C10orf90: variants seen among roughly 807,000 people sequenced by gnomAD.
C10orf90 encodes (E2-independent) E3 ubiquitin-conjugating enzyme FATS.
A neutral mutation model predicts 62.5 loss-of-function variants in C10orf90; 56 were observed. That is an observed-to-expected ratio of 0.90 (90% confidence interval 0.72 to 1.12). C10orf90 has a LOEUF of 1.12. C10orf90 is among the 50% of genes most tolerant of loss of function. The probability of loss-of-function intolerance (pLI) is 0.00; values close to 1 mark genes in which losing one functional copy is unlikely to be tolerated. For missense variants in C10orf90, 970 were observed against 880.4 expected, an observed-to-expected ratio of 1.10 and a Z score of -1.29; for synonymous variants, 386 against 340.4, an observed-to-expected ratio of 1.13 and a Z score of -1.47.
intron 2 of C10orf90, among the ~76,000 whole-genome samples, chr10:126,622,396 G>T (rs552639869): frequency 6.6e-4 from 101 of 152,258 alleles, no homozygotes; most frequent in Non-Finnish European, 1.1e-3. Flanking sequence ...AAAGCCTCAG[G>T]TTCCAAGCCC....
chr10:126,455,877 G>A (rs1417811108), intron 7 of C10orf90, among the ~76,000 whole-genome samples: 1 of 152,172 alleles, frequency 6.6e-6, no homozygotes, highest in Non-Finnish European at 1.5e-5. Context: ...AAGTACAGCG[G>A]GTCCCCTGAC....
chr10:126,666,338 A>G (rs1054087430), intron 1 of C10orf90, among the ~76,000 whole-genome samples: 2 of 152,354 alleles, frequency 1.3e-5, no homozygotes, highest in East Asian at 1.9e-4. Flanking sequence ...GCTGTTTTCA[A>G]ATAACTTAAC....
chr10:126,487,142 C>CAAAAAAAA (rs1158481155), intron 4 of C10orf90, among the ~76,000 whole-genome samples: 55 of 29,378 alleles, frequency 1.9e-3, no homozygotes, highest in Middle Eastern at 0.038. Flanking sequence ...AAAACTCTGT[C>CAAAAAAAA]AAAAAAAAAA....
chr10:126,657,621 T>C (rs369064498), intron 1 of C10orf90, among the ~76,000 whole-genome samples: 84 of 143,312 alleles, frequency 5.9e-4, no homozygotes, highest in African/African-American at 1.8e-3. Flanking sequence ...TTTTTTTTTC[T>C]TTTTTTTTTT....
chr10:126,646,656 T>C lies in C10orf90; in HGVS notation c.241-19A>G, dbSNP rs2842149. The stretch of plus-strand genomic sequence containing the variant: ...TGTGGATCTAGAAAACAAACAGAAA[T>C]ATTTCCCAATTTCATATTTTGATTT... On this transcript the variant is annotated intron_variant, in intron 1 of 9. Coordinates refer to ENST00000488181, the MANE Select transcript of C10orf90 (RefSeq NM_001350921.2). 0.58 allele frequency: 244,638 copies of C among 422,900 alleles called. 71,427 individuals are homozygous for C. Among genetic ancestry groups the C allele is most frequent in the African/African-American group, 0.61 (29,528 of 48,034 alleles). 26.2% of individuals were successfully genotyped at this position (422,900 alleles called of 1,614,324 possible). A position where few individuals can be genotyped will look rare whatever the true frequency, so the allele number is the denominator to read the frequency against.
chr10:126,661,269 C>A (rs1297156384), intron 1 of C10orf90, among the ~76,000 whole-genome samples: 1 of 152,184 alleles, frequency 6.6e-6, no homozygotes, highest in East Asian at 1.9e-4. Flanking sequence ...AACAACAACT[C>A]ATTTTCATGG....
At chr10:126,452,170 C>T (rs896048430) in intron 7 of C10orf90, among the ~76,000 whole-genome samples, 14 of 152,026 alleles carry the variant, frequency 9.2e-5, no homozygotes, top group African/African-American at 3.4e-4. Flanking sequence ...AACATCATGT[C>T]ATTCAGCACA....
At chr10:126,502,383 T>C (rs1169451159) in intron 4 of C10orf90, among the ~76,000 whole-genome samples, 1 of 152,224 alleles carries the variant, frequency 6.6e-6, no homozygotes, top group East Asian at 1.9e-4. Flanking sequence ...TCTGTGCTTT[T>C]TCTGGGGGAT....
At chr10:126,621,074 T>C (rs575554588) in intron 2 of C10orf90, among the ~76,000 whole-genome samples, 4 of 152,336 alleles carry the variant, frequency 2.6e-5, no homozygotes, top group Admixed American at 1.3e-4. Context: ...TTCCCTGCTA[T>C]TAAACTTTTA....
At chr10:126,499,307 A>G (rs559498159) in intron 4 of C10orf90, among the ~76,000 whole-genome samples, 1 of 152,324 alleles carries the variant, frequency 6.6e-6, no homozygotes, top group Admixed American at 6.5e-5. Flanking sequence ...CTAGTTGAGT[A>G]GTTGCTACAG....
intron 1 of C10orf90, among the ~76,000 whole-genome samples, chr10:126,663,357 G>A (rs556903343): frequency 7.9e-5 from 12 of 151,974 alleles, no homozygotes; most frequent in Admixed American, 3.3e-4. Context: ...CCAGCACCAC[G>A]TGAGAAGTAT....
At chr10:126,656,952 C>A (rs1359623546) in intron 1 of C10orf90, among the ~76,000 whole-genome samples, 3 of 152,148 alleles carry the variant, frequency 2.0e-5, no homozygotes, top group Non-Finnish European at 4.4e-5. Context: ...AGGACATGCA[C>A]CTGACCTCAG....
At chr10:126,522,021 C>A (rs535694581) in intron 2 of C10orf90, among the ~76,000 whole-genome samples, 2 of 152,184 alleles carry the variant, frequency 1.3e-5, no homozygotes, top group Non-Finnish European at 2.9e-5. Flanking sequence ...GTAATCCCAG[C>A]ACTTTGGGAG....
At chr10:126,661,394 G>C (rs536178760) in intron 1 of C10orf90, among the ~76,000 whole-genome samples, 1 of 152,270 alleles carries the variant, frequency 6.6e-6, no homozygotes, top group Non-Finnish European at 1.5e-5. Context: ...ATACAGATGA[G>C]AAAACTAGGC....
At chr10:126,620,231 A>G (rs1845619344) in intron 2 of C10orf90, among the ~76,000 whole-genome samples, 1 of 152,112 alleles carries the variant, frequency 6.6e-6, no homozygotes, top group Admixed American at 6.5e-5. Flanking sequence ...CTAAAACCTT[A>G]TTGTTTTAGC....
In C10orf90 at chr10:126,658,014, T is replaced by C. The variant is rs186990290; in HGVS notation, c.241-11377A>G. Among the ~76,000 whole-genome samples the C allele has an allele frequency of 1.9e-3, 295 of 152,280 alleles. 3 individuals are homozygous for C. Among genetic ancestry groups the C allele is most frequent in the African/African-American group, 6.4e-3 (268 of 41,560 alleles). Reference sequence around the variant, plus strand: ...GCACATGCACTCCCTCACCACCCCATTGACATAAGGTGCTCCTCATTCACA... The same window carrying C: ...GCACATGCACTCCCTCACCACCCCACTGACATAAGGTGCTCCTCATTCACA... On this transcript the variant is annotated intron_variant, in intron 1 of 9. Coordinates refer to ENST00000488181, the MANE Select transcript of C10orf90 (RefSeq NM_001350921.2).
intron 4 of C10orf90, among the ~76,000 whole-genome samples, chr10:126,493,377 T>C (rs1861866060): frequency 6.6e-6 from 1 of 151,748 alleles, no homozygotes; most frequent in Non-Finnish European, 1.5e-5. Context: ...TTTTTTTTTT[T>C]TGAGACAGGG....
chr10:126,504,799 C>A lies in C10orf90; in HGVS notation c.692G>T (p.Arg231Leu), dbSNP rs11245008. 2 of 1,585,716 alleles carry A rather than the reference C, an allele frequency of 1.3e-6. No individual in the cohort carries two copies. Among genetic ancestry groups the A allele is most frequent in the Non-Finnish European group, 1.7e-6 (2 of 1,165,382 alleles). Reference sequence around the variant, plus strand: ...GATGGTGATGGATGCAAACCCTCTGCGGGGGCCCCCACAGGGTCTCTCCTC... The same window carrying A: ...GATGGTGATGGATGCAAACCCTCTGAGGGGGCCCCCACAGGGTCTCTCCTC... ...PKEERPCGGP[R>L]RGFASITITA... Residue 231 changes from arginine to leucine, a missense_variant, in exon 4 of 10, where the codon CGC becomes CTC. Arg to Leu is a moderately radical substitution (Grantham distance 102). Coordinates refer to ENST00000488181, the MANE Select transcript of C10orf90 (RefSeq NM_001350921.2). The surrounding 1 kb of genome is among the most constrained non-coding windows in gnomAD (Gnocchi z 4.1).
At chr10:126,452,012 T>A (rs148044885) in intron 7 of C10orf90, among the ~76,000 whole-genome samples, 293 of 152,286 alleles carry the variant, frequency 1.9e-3, no homozygotes, top group Middle Eastern at 6.8e-3. Context: ...CTGTAGAGCA[T>A]GGTGACTATA....
Sources: allele counts gnomAD v4.1 joint callset (sites outside exome capture counted in the v4.1 genomes callset), GRCh38; gene constraint gnomAD v4.1.1; non-coding constraint Gnocchi (gnomAD v3.1); transcripts MANE v1.5; gene names NCBI Gene and HGNC (gene_info 2026-07-23, HGNC 2026-07-21).